The following PDE4B variants were observed in gnomAD, a reference collection of about 807,000 sequenced individuals.
The protein encoded by PDE4B is phosphodiesterase 4B, also known as 3',5'-cyclic-AMP phosphodiesterase 4B.
In PDE4B, 20 loss-of-function variants were observed where a neutral mutation model predicts 82.2. The observed-to-expected ratio is 0.24, with a 90% CI of 0.17 to 0.35. PDE4B has a LOEUF of 0.35. Ranked by LOEUF, PDE4B falls within the 10% of genes least tolerant of loss-of-function variation. The pLI is 1.00. For synonymous variants in PDE4B, 320 were observed against 318.9 expected, an observed-to-expected ratio of 1.00 and a Z score of -0.04; for missense variants, 655 against 907.2, an observed-to-expected ratio of 0.72 and a Z score of 3.57.
chr1:66,170,741 C>T (rs1646821348), intron 3 of PDE4B, among the ~76,000 whole-genome samples: 1 of 152,130 alleles, frequency 6.6e-6, no homozygotes, highest in Non-Finnish European at 1.5e-5. Context: ...ACTGTGTCTC[C>T]ATTTTGAAGA....
intron 7 of PDE4B, among the ~76,000 whole-genome samples, chr1:66,299,151 G>A (rs1289720863): frequency 1.3e-5 from 2 of 152,066 alleles, no homozygotes; most frequent in African/African-American, 4.8e-5. Flanking sequence ...ACCCCATAGT[G>A]CAATAGAAAA....
At chr1:66,001,594 A>G (rs1651866149) in intron 3 of PDE4B, among the ~76,000 whole-genome samples, 1 of 152,154 alleles carries the variant, frequency 6.6e-6, no homozygotes, top group Admixed American at 6.6e-5. Context: ...TTTGGCTATT[A>G]TGAATAAAGG....
chr1:65,919,391 A>G (rs1285639653), intron 3 of PDE4B, among the ~76,000 whole-genome samples: 1 of 152,230 alleles, frequency 6.6e-6, no homozygotes, highest in Non-Finnish European at 1.5e-5. Context: ...AGGCTATTTT[A>G]AACCAGTGTT....
At chr1:66,348,438 G>A (rs1415581298) in intron 8 of PDE4B, among the ~76,000 whole-genome samples, 3 of 151,958 alleles carry the variant, frequency 2.0e-5, no homozygotes, top group African/African-American at 7.3e-5. Flanking sequence ...AAATTAAAAG[G>A]GAAGGATCAA....
intron 1 of PDE4B, among the ~76,000 whole-genome samples, chr1:65,857,187 T>C: frequency 6.6e-6 from 1 of 152,324 alleles, no homozygotes; most frequent in Middle Eastern, 3.4e-3. Context: ...AAGTCATATA[T>C]AGTAATGTTC....
chr1:66,055,921 A>G (rs953013010), intron 3 of PDE4B, among the ~76,000 whole-genome samples: 6 of 152,184 alleles, frequency 3.9e-5, no homozygotes, highest in African/African-American at 1.4e-4. Flanking sequence ...AATGTTCAAT[A>G]TTGTTCACAT....
intron 7 of PDE4B, among the ~76,000 whole-genome samples, chr1:66,304,948 T>G (rs1658165080): frequency 6.6e-6 from 1 of 152,148 alleles, no homozygotes; most frequent in Non-Finnish European, 1.5e-5. Flanking sequence ...TATTTGGCTA[T>G]TTAAGCTTTT....
chr1:65,927,276 T>A (rs1410595684), intron 3 of PDE4B, among the ~76,000 whole-genome samples: 1 of 151,466 alleles, frequency 6.6e-6, no homozygotes, highest in Non-Finnish European at 1.5e-5. Flanking sequence ...ATACCAACAA[T>A]GCACTGGGTG....
chr1:66,049,401 C>T (rs1006338371), intron 3 of PDE4B, among the ~76,000 whole-genome samples: 9 of 151,904 alleles, frequency 5.9e-5, no homozygotes, highest in African/African-American at 2.2e-4. Context: ...GTTAGTATTG[C>T]CAGCTGATGG....
intron 1 of PDE4B, among the ~76,000 whole-genome samples, chr1:65,892,046 A>G (rs1646858160): frequency 6.6e-6 from 1 of 152,096 alleles, no homozygotes; most frequent in African/African-American, 2.4e-5. Flanking sequence ...GCCTTGATGT[A>G]AGAGAAAATC....
At chr1:66,122,254 A>G (rs1312914801) in intron 3 of PDE4B, among the ~76,000 whole-genome samples, 1 of 152,078 alleles carries the variant, frequency 6.6e-6, no homozygotes, top group East Asian at 1.9e-4. Flanking sequence ...CATGCAAAAC[A>G]CTCAGACCAT....
At chr1:65,964,226 G>A (rs1649699678) in intron 3 of PDE4B, among the ~76,000 whole-genome samples, 1 of 152,116 alleles carries the variant, frequency 6.6e-6, no homozygotes, top group Admixed American at 6.6e-5. Flanking sequence ...TTCTATGCTT[G>A]TACTAATACT....
At chr1:66,226,826 G>A (rs907677158) in intron 3 of PDE4B, among the ~76,000 whole-genome samples, 4 of 152,114 alleles carry the variant, frequency 2.6e-5, no homozygotes, top group Non-Finnish European at 4.4e-5. Context: ...ATTACTGTGG[G>A]TAAAATAGTT....
At chr1:66,138,347 C>T (rs375502721) in intron 3 of PDE4B, among the ~76,000 whole-genome samples, 12 of 152,162 alleles carry the variant, frequency 7.9e-5, no homozygotes, top group Middle Eastern at 3.4e-3. Flanking sequence ...GGTGAAATCC[C>T]GTCTCTACTA....
chr1:66,246,119 C>T (rs914826173), intron 3 of PDE4B, among the ~76,000 whole-genome samples: 1 of 152,216 alleles, frequency 6.6e-6, no homozygotes, highest in African/African-American at 2.4e-5. Context: ...AGTTGCAAGA[C>T]ATGAGTCTTC....
intron 13 of PDE4B, among the ~76,000 whole-genome samples, chr1:66,366,274 C>T (rs1663242154): frequency 6.6e-6 from 1 of 152,120 alleles, no homozygotes; most frequent in Non-Finnish European, 1.5e-5. Context: ...AAGTTCCATA[C>T]ATTTTCTTCC....
At chr1:65,877,437 A>C (rs903606476) in intron 1 of PDE4B, among the ~76,000 whole-genome samples, 1 of 151,966 alleles carries the variant, frequency 6.6e-6, no homozygotes, top group African/African-American at 2.4e-5. Context: ...AACACGGTGA[A>C]ACTCCATCTC....
At chr1:65,797,554 C>T (rs535068032) in intron 1 of PDE4B, among the ~76,000 whole-genome samples, 6 of 152,210 alleles carry the variant, frequency 3.9e-5, no homozygotes, top group South Asian at 2.1e-4. Context: ...CTGGTGCTTC[C>T]GGGGCTCCCA....
chr1:66,172,490 T>A (rs1646856110), intron 3 of PDE4B, among the ~76,000 whole-genome samples: 1 of 152,218 alleles, frequency 6.6e-6, no homozygotes. Flanking sequence ...CTGGATTGAA[T>A]GATAGTTTTG....
Sources: gnomAD v4.1 joint callset for allele counts (sites outside exome capture counted in the v4.1 genomes callset) on GRCh38, gnomAD v4.1.1 for gene constraint, MANE v1.5 for transcripts, NCBI Gene and HGNC (gene_info 2026-07-23, HGNC 2026-07-21) for gene names.